GALNT18: variants seen among roughly 807,000 people sequenced by gnomAD.
The protein encoded by GALNT18 is GalNAc-transferase 18.
In GALNT18, 44 loss-of-function variants were observed where a neutral mutation model predicts 69.5. That is an observed-to-expected ratio of 0.63 (90% CI 0.50 to 0.81). The LOEUF is 0.81. Among genes scored for constraint, GALNT18 ranks in the 40% least tolerant of loss-of-function variants. The probability of loss-of-function intolerance (pLI) is 0.00; values close to 1 mark genes in which losing one functional copy is unlikely to be tolerated. For synonymous variants in GALNT18, 364 were observed against 318.2 expected (o/e 1.14, Z -1.53); for missense variants, 715 against 810.0 (o/e 0.88, Z 1.42).
intron 10 of GALNT18, among the ~76,000 whole-genome samples, chr11:11,292,125 T>C (rs1308855895): frequency 6.6e-6 from 1 of 152,140 alleles, no homozygotes; most frequent in East Asian, 1.9e-4. Context: ...CCTCCCGAAC[T>C]TCCCTGGGAG....
At chr11:11,534,170 A>T (rs1330924733) in intron 1 of GALNT18, among the ~76,000 whole-genome samples, 3 of 152,240 alleles carry the variant, frequency 2.0e-5, no homozygotes, top group African/African-American at 7.2e-5. Flanking sequence ...CCAGGCCCTT[A>T]GCCATGGGTA....
In GALNT18 at chr11:11,616,916, G is replaced by A. The variant is rs1221754463; in HGVS notation, c.235+4443C>T. ...AGTGCTTTGCAAAGGTTTTATAAAC[G>A]GTAGTCAGTTAAAGAATAGCAATCA... On this transcript the variant is annotated intron_variant, in intron 1 of 10. Transcript: ENST00000227756. This position sits in a 1 kb window ranked among gnomAD's most constrained non-coding sequence, Gnocchi z 4.4. Among the ~76,000 whole-genome samples the A allele has an allele frequency of 6.6e-6, 1 of 152,184 alleles. No homozygotes were observed. The highest frequency in any genetic ancestry group is 2.4e-5 in the African/African-American group (1 of 41,446).
intron 1 of GALNT18, among the ~76,000 whole-genome samples, chr11:11,520,643 A>C (rs1387695464): frequency 6.6e-6 from 1 of 152,134 alleles, no homozygotes; most frequent in Admixed American, 6.5e-5. Context: ...CTGGGGACCC[A>C]CACCTCTGGG....
At chr11:11,348,309 C>T (rs1296544370) in intron 6 of GALNT18, among the ~76,000 whole-genome samples, 3 of 142,872 alleles carry the variant, frequency 2.1e-5, no homozygotes, top group Non-Finnish European at 4.5e-5. Context: ...ACCCAGGAGG[C>T]GGAGATTGCA....
rs770203452 is a variant in GALNT18 at position 11,353,156 on chromosome 11, T to C, written c.1093-12152A>G. The C allele has an allele frequency of 3.1e-6, 5 of 1,610,876 alleles. No homozygotes were observed. In the South Asian group the frequency reaches 4.4e-5, roughly 14 times the overall value. On this transcript the variant is annotated intron_variant, in intron 6 of 10. Transcript: ENST00000227756. ...TGGCGGACAAAGCTGGACTTGATGT[T>C]TGGAGATCTGGCAGTCACTGTGTTC...
In GALNT18 at chr11:11,543,180, A is replaced by G. The variant is rs1857966005; in HGVS notation, c.235+78179T>C. On this transcript the variant is annotated intron_variant, in intron 1 of 10. Coordinates refer to ENST00000227756, the MANE Select transcript of GALNT18 (RefSeq NM_198516.3). This position sits in a 1 kb window ranked among gnomAD's most constrained non-coding sequence, Gnocchi z 5.1. ...TGCCACTTAGGGAGTAGAGCCTGCC[A>G]AATGGCTATAATGTCTTGGATGTTT... 6.6e-6 allele frequency among the ~76,000 whole-genome samples: 1 copy of G among 152,222 alleles called. No individual in the cohort carries two copies. Among genetic ancestry groups the G allele is most frequent in the African/African-American group, 2.4e-5 (1 of 41,464 alleles).
At chr11:11,615,526 GA>G (rs1860022641) in intron 1 of GALNT18, among the ~76,000 whole-genome samples, 1 of 151,972 alleles carries the variant, frequency 6.6e-6, no homozygotes, top group African/African-American at 2.4e-5. Context: ...GATGTTACAA[GA>G]ACACCACCCA....
chr11:11,540,142 T>C lies in GALNT18; in HGVS notation c.235+81217A>G, dbSNP rs1857878844. The stretch of plus-strand genomic sequence containing the variant: ...AAACTTAAGGCATTGGACTGGATTA[T>C]TCTAAACATATTTTGTGGTTCTAAA... On this transcript the variant is annotated intron_variant, in intron 1 of 10. Transcript: ENST00000227756. This position sits in a 1 kb window ranked among gnomAD's most constrained non-coding sequence, Gnocchi z 4.6. 6.6e-6 allele frequency among the ~76,000 whole-genome samples: 1 copy of C among 152,200 alleles called. No homozygotes were observed. The highest frequency in any genetic ancestry group is 1.5e-5 in the Non-Finnish European group (1 of 68,032).
rs573478757 is a variant in GALNT18, at chr11:11,538,327, G to T, written c.235+83032C>A. On this transcript the variant is annotated intron_variant, in intron 1 of 10. Transcript: ENST00000227756. The surrounding 1 kb of genome is among the most constrained non-coding windows in gnomAD (Gnocchi z 5.2). ...GAAGGCCACTCACTAAGGCCAGGGT[G>T]TCCTTTACTTGGCAGGGAGCAGCTG... 2.1e-3 allele frequency among the ~76,000 whole-genome samples: 323 copies of T among 152,350 alleles called. 3 individuals are homozygous for T. Among genetic ancestry groups the T allele is most frequent in the South Asian group, 5.6e-3 (27 of 4,830 alleles).
chr11:11,585,505 G>A (rs1859193588), intron 1 of GALNT18, among the ~76,000 whole-genome samples: 1 of 151,930 alleles, frequency 6.6e-6, no homozygotes, highest in Non-Finnish European at 1.5e-5. Flanking sequence ...ACAGGCATGC[G>A]CCACCACGCC....
chr11:11,477,829 T>A (rs1445753215), intron 1 of GALNT18, among the ~76,000 whole-genome samples: 2 of 152,174 alleles, frequency 1.3e-5, no homozygotes, highest in Non-Finnish European at 2.9e-5. Context: ...GCTTCTGTAA[T>A]TACACCCCAG....
At chr11:11,305,892 T>A in intron 9 of GALNT18, among the ~76,000 whole-genome samples, 1 of 152,172 alleles carries the variant, frequency 6.6e-6, no homozygotes, top group East Asian at 1.9e-4. Flanking sequence ...AATAAATTAT[T>A]CCAGGGACAT....
intron 1 of GALNT18, among the ~76,000 whole-genome samples, chr11:11,608,578 G>C (rs923283090): frequency 6.6e-6 from 1 of 152,042 alleles, no homozygotes; most frequent in East Asian, 1.9e-4. Flanking sequence ...GGTCAGGTTG[G>C]TCTCAAACTC....
intron 1 of GALNT18, among the ~76,000 whole-genome samples, chr11:11,485,806 A>C (rs1856632073): frequency 6.6e-6 from 1 of 152,220 alleles, no homozygotes; most frequent in African/African-American, 2.4e-5. Context: ...GCAAGCTGAC[A>C]TGAGCCTAGG....
chr11:11,294,435 G>A (rs1849359822), intron 9 of GALNT18, among the ~76,000 whole-genome samples: 1 of 152,044 alleles, frequency 6.6e-6, no homozygotes, highest in Non-Finnish European at 1.5e-5. Context: ...AGCACAGAGA[G>A]CCACTCTTAT....
chr11:11,505,540 G>A lies in GALNT18; in HGVS notation c.236-56604C>T, dbSNP rs370829684. On this transcript the variant is annotated intron_variant, in intron 1 of 10. Transcript: ENST00000227756. This position sits in a 1 kb window ranked among gnomAD's most constrained non-coding sequence, Gnocchi z 4.6. ...AGTAATAGGAGCTGGCATCATCCTG[G>A]GTTGCATATTACAGCTTCCATTGCC... is the stretch of plus-strand genomic sequence containing the variant. Among the ~76,000 whole-genome samples, 1 of 152,172 alleles carries A rather than the reference G, an allele frequency of 6.6e-6. No individual in the cohort carries two copies. Among genetic ancestry groups the A allele is most frequent in the East Asian group, 1.9e-4 (1 of 5,170 alleles).
At chr11:11,458,982 C>T (rs1054912813) in intron 1 of GALNT18, among the ~76,000 whole-genome samples, 1 of 152,312 alleles carries the variant, frequency 6.6e-6, no homozygotes, top group Non-Finnish European at 1.5e-5. Context: ...CCAGTGTTTG[C>T]GTTTTACTTG....
Position 11,541,233 on chromosome 11 carries a change from A to C in GALNT18, c.235+80126T>G, listed in dbSNP as rs1029965081. ...TCAGGGTCAGCCCAGTGCCATGCAAATAATCGCCTGTGTTTTTGTGAACAC... is the reference window on the plus strand; with the variant it reads ...TCAGGGTCAGCCCAGTGCCATGCAACTAATCGCCTGTGTTTTTGTGAACAC... On this transcript the variant is annotated intron_variant, in intron 1 of 10. Transcript: ENST00000227756. This position sits in a 1 kb window ranked among gnomAD's most constrained non-coding sequence, Gnocchi z 4.8. Among the ~76,000 whole-genome samples, 1 of 152,082 alleles carries C rather than the reference A, an allele frequency of 6.6e-6. No individual in the cohort carries two copies. Among genetic ancestry groups the C allele is most frequent in the Non-Finnish European group, 1.5e-5 (1 of 68,014 alleles).
chr11:11,447,697 A>G (rs772481274), intron 2 of GALNT18, among the ~76,000 whole-genome samples: 1 of 152,172 alleles, frequency 6.6e-6, no homozygotes, highest in South Asian at 2.1e-4. Flanking sequence ...AAAATGCCAG[A>G]CGCTTATAAA....
Sources: gnomAD v4.1 joint callset for allele counts (sites outside exome capture counted in the v4.1 genomes callset) on GRCh38, gnomAD v4.1.1 for gene constraint, Gnocchi (gnomAD v3.1) non-coding constraint, MANE v1.5 for transcripts, NCBI Gene and HGNC (gene_info 2026-07-23, HGNC 2026-07-21) for gene names.